The following ANXA4 variants were observed in gnomAD, a reference collection of about 807,000 sequenced individuals.
ANXA4 encodes the protein 35-beta calcimedin.
A neutral mutation model predicts 49.8 loss-of-function variants in ANXA4; 39 were observed. The ratio of observed to expected loss-of-function variants is 0.78; its 90% CI spans 0.61 to 1.02. The LOEUF (loss-of-function observed/expected upper bound fraction) is 1.02, where lower values mean the gene tolerates loss of function less well. Ranked by LOEUF, ANXA4 falls within the 50% of genes least tolerant of loss-of-function variation. The pLI is 0.00. For synonymous variants in ANXA4, 134 were observed against 152.5 expected, an observed-to-expected ratio of 0.88 and a Z score of 0.89; for missense variants, 360 against 410.1, an observed-to-expected ratio of 0.88 and a Z score of 1.05.
chr2:69,749,763 TA>T (rs765400597), intron 1 of ANXA4, among the ~76,000 whole-genome samples: 761 of 139,458 alleles, frequency 5.5e-3, no homozygotes, highest in African/African-American at 1.0e-2. Context: ...CGTCTCTTAC[TA>T]AAAAAAAAAA....
intron 2 of ANXA4, among the ~76,000 whole-genome samples, chr2:69,708,421 C>T (rs1360731732): frequency 2.0e-5 from 3 of 152,176 alleles, no homozygotes; most frequent in Admixed American, 1.3e-4. Context: ...CATGGCGAAA[C>T]CCTGTCTCTA....
At chr2:69,755,455 AC>A (rs1438531572) in intron 1 of ANXA4, among the ~76,000 whole-genome samples, 1 of 152,170 alleles carries the variant, frequency 6.6e-6, no homozygotes, top group Non-Finnish European at 1.5e-5. Flanking sequence ...CCCTGTCCCT[AC>A]AAAAATTAGC....
intron 3 of ANXA4, among the ~76,000 whole-genome samples, chr2:69,733,388 G>A (rs1670155803): frequency 6.6e-6 from 1 of 152,148 alleles, no homozygotes; most frequent in African/African-American, 2.4e-5. Context: ...AGGATCACCT[G>A]AGCCCAGGAG....
chr2:69,698,444 C>T (rs1678226741), intron 2 of ANXA4, among the ~76,000 whole-genome samples: 1 of 152,198 alleles, frequency 6.6e-6, no homozygotes, highest in African/African-American at 2.4e-5. Context: ...CCCCCGACAT[C>T]TCCCTGTTGT....
Position 69,810,576 on chromosome 2 carries a change from AT to A in ANXA4, c.398-15del. On this transcript the variant is annotated splice_polypyrimidine_tract_variant and intron_variant, in intron 6 of 12. Coordinates refer to ENST00000394295, the MANE Select transcript of ANXA4 (RefSeq NM_001153.5). ...AAGACTCTTAATTCTGAAGTAGCTA[AT>A]TTCACTCTCTTGCTAGAATATGGAC... 6.2e-7 allele frequency: 1 copy of A among 1,610,600 alleles called. No individual in the cohort carries two copies. The highest frequency in any genetic ancestry group is 8.5e-7 in the Non-Finnish European group (1 of 1,176,920).
intron 1 of ANXA4, among the ~76,000 whole-genome samples, chr2:69,750,090 T>G (rs961127477): frequency 6.6e-6 from 1 of 152,174 alleles, no homozygotes; most frequent in Non-Finnish European, 1.5e-5. Context: ...CTATTTGAAT[T>G]TGTTATGTTT....
intron 6 of ANXA4, chr2:69,809,443 T>C (rs1226835011): frequency 2.6e-5 from 4 of 152,148 alleles, no homozygotes; most frequent in Non-Finnish European, 1.5e-5. Context: ...AAATTAATTA[T>C]GAAGAAGTGA....
chr2:69,756,931 A>ATT (rs1240570888), intron 1 of ANXA4, among the ~76,000 whole-genome samples: 212 of 109,434 alleles, frequency 1.9e-3, no homozygotes, highest in Admixed American at 0.014. Context: ...TTAATTAATT[A>ATT]TTATTTTTTT....
chr2:69,724,561 C>T (rs1221795643), intron 3 of ANXA4, among the ~76,000 whole-genome samples: 1 of 152,170 alleles, frequency 6.6e-6, no homozygotes, highest in African/African-American at 2.4e-5. Flanking sequence ...TCAAAAGAGC[C>T]CCCTCAATTC....
intron 2 of ANXA4, among the ~76,000 whole-genome samples, chr2:69,686,759 T>C (rs761258865): frequency 1.5e-4 from 23 of 152,184 alleles, no homozygotes; most frequent in Non-Finnish European, 3.2e-4. Context: ...CCCAGCATAA[T>C]TTAACTTTTA....
At chr2:69,653,252 T>C (rs149842048) in exon 2 of ANXA4, 1 of 152,224 alleles carries the variant, frequency 6.6e-6, no homozygotes, top group Non-Finnish European at 1.5e-5. Flanking sequence ...CCAGTGCCAG[T>C]GCTTGAACTT....
intron 1 of ANXA4, among the ~76,000 whole-genome samples, chr2:69,762,025 G>T (rs1156992372): frequency 6.6e-6 from 1 of 152,146 alleles, no homozygotes; most frequent in Non-Finnish European, 1.5e-5. Context: ...CACATACAAT[G>T]GTTGAACAAT....
intron 9 of ANXA4, 134 bp downstream of exon 9, chr2:69,816,328 A>G (rs1331480428): frequency 1.8e-5 from 12 of 671,376 alleles, no homozygotes; most frequent in Non-Finnish European, 2.3e-5. Context: ...TTAGATTCTC[A>G]CCCTGGAAAT....
chr2:69,794,871 T>C (rs1672872336), intron 3 of ANXA4, among the ~76,000 whole-genome samples: 2 of 152,042 alleles, frequency 1.3e-5, no homozygotes, highest in Admixed American at 6.6e-5. Context: ...TTTTATGAGG[T>C]GGTATAAAGG....
At chr2:69,678,268 C>G (rs6546540) in intron 2 of ANXA4, among the ~76,000 whole-genome samples, 74,588 of 151,426 alleles carry the variant, frequency 0.49, 19,200 homozygotes, top group East Asian at 0.77. Flanking sequence ...TATTTAATGA[C>G]AGTTCTAGAA....
intron 9 of ANXA4, 84 bp downstream of exon 9, chr2:69,816,278 T>A: frequency 8.9e-7 from 1 of 1,119,552 alleles, no homozygotes; most frequent in Non-Finnish European, 1.3e-6. Context: ...ATAACCTTCC[T>A]CCTTCAGTTG....
intron 2 of ANXA4, among the ~76,000 whole-genome samples, chr2:69,655,417 A>G (rs1204136893): frequency 6.6e-6 from 1 of 152,232 alleles, no homozygotes; most frequent in Non-Finnish European, 1.5e-5. Context: ...GCCAAAAAAC[A>G]TATGAAAAAA....
At chr2:69,659,725 A>G (rs2105321271) in intron 2 of ANXA4, among the ~76,000 whole-genome samples, 1 of 152,334 alleles carries the variant, frequency 6.6e-6, no homozygotes, top group South Asian at 2.1e-4. Flanking sequence ...GCTTGAGACC[A>G]GTCTGGGCAA....
intron 2 of ANXA4, among the ~76,000 whole-genome samples, chr2:69,689,796 A>G (rs1218058536): frequency 6.6e-6 from 1 of 152,166 alleles, no homozygotes; most frequent in African/African-American, 2.4e-5. Context: ...AATGATTACA[A>G]ATTTCTAAAG....
Sources: allele counts gnomAD v4.1 joint callset (sites outside exome capture counted in the v4.1 genomes callset), GRCh38; gene constraint gnomAD v4.1.1; transcripts MANE v1.5; gene names NCBI Gene and HGNC (gene_info 2026-07-23, HGNC 2026-07-21).